KCNK13: variants seen among roughly 807,000 people sequenced by gnomAD.
KCNK13 encodes potassium channel subfamily K member 13.
In KCNK13, 12 loss-of-function variants were observed where a neutral mutation model predicts 23.4. The ratio of observed to expected loss-of-function variants is 0.51; its 90% CI spans 0.33 to 0.83. KCNK13 has a LOEUF of 0.83. Ranked by LOEUF, KCNK13 falls within the 40% of genes least tolerant of loss-of-function variation. The pLI is 0.02. For synonymous variants in KCNK13, 231 were observed against 229.5 expected, an observed-to-expected ratio of 1.01 and a Z score of -0.06; for missense variants, 463 against 556.3, an observed-to-expected ratio of 0.83 and a Z score of 1.69.
intron 1 of KCNK13, among the ~76,000 whole-genome samples, chr14:90,108,529 C>T (rs1471422551): frequency 2.6e-5 from 4 of 152,182 alleles, no homozygotes; most frequent in Non-Finnish European, 4.4e-5. Flanking sequence ...TCCCATCCCA[C>T]CTTGAGAATC....
intron 1 of KCNK13, among the ~76,000 whole-genome samples, chr14:90,174,928 C>T (rs1382309103): frequency 1.3e-5 from 2 of 151,858 alleles, no homozygotes; most frequent in African/African-American, 2.4e-5. Context: ...AGAATGTTAG[C>T]TCTGGCTAAT....
intron 1 of KCNK13, among the ~76,000 whole-genome samples, chr14:90,085,223 G>A (rs1191091479): frequency 2.0e-5 from 3 of 152,002 alleles, no homozygotes; most frequent in African/African-American, 7.2e-5. Flanking sequence ...AGGATTACAG[G>A]TGTGAGCCAC....
chr14:90,074,940 A>C (rs60936657), intron 1 of KCNK13, among the ~76,000 whole-genome samples: 37,379 of 152,154 alleles, frequency 0.25, 4,760 homozygotes, highest in African/African-American at 0.33. Flanking sequence ...TTTCTGCATC[A>C]TATTAGCAGA....
In KCNK13 at chr14:90,061,997, G is replaced by A. The variant is rs899815904; in HGVS notation, c.-209G>A. The A allele has an allele frequency of 5.4e-5, 21 of 391,066 alleles. No homozygotes were observed. The highest frequency in any genetic ancestry group is 4.1e-4 in the Admixed American group (9 of 21,946). The allele number at this position is 391,066 out of a possible 1,614,324, so 24.2% of individuals were successfully genotyped here. ...GGATTTGAAACTAGGAGTCAAGGAG[G>A]ACGTGGGGAGCTGGCGCCACAGGAG... On this transcript the variant is annotated 5_prime_UTR_variant, in exon 1 of 2. Coordinates refer to ENST00000282146, the MANE Select transcript of KCNK13 (RefSeq NM_022054.4).
chr14:90,088,788 G>C (rs1889310777), intron 1 of KCNK13, among the ~76,000 whole-genome samples: 1 of 152,164 alleles, frequency 6.6e-6, no homozygotes, highest in South Asian at 2.1e-4. Flanking sequence ...CCTGATGGGA[G>C]GTTATTGAAT....
At chr14:90,086,296 A>G (rs573250397) in intron 1 of KCNK13, among the ~76,000 whole-genome samples, 1 of 152,192 alleles carries the variant, frequency 6.6e-6, no homozygotes, top group Admixed American at 6.5e-5. Context: ...CTACATAGAT[A>G]AACTTTCATC....
At chr14:90,100,999 G>A (rs369706391) in intron 1 of KCNK13, among the ~76,000 whole-genome samples, 2 of 152,110 alleles carry the variant, frequency 1.3e-5, no homozygotes, top group East Asian at 1.9e-4. Context: ...TGGCCAGCAC[G>A]AGATATTTGA....
chr14:90,162,690 A>C (rs1431638349), intron 1 of KCNK13, among the ~76,000 whole-genome samples: 3 of 152,240 alleles, frequency 2.0e-5, no homozygotes, highest in Admixed American at 2.0e-4. Context: ...GCCATAAGTG[A>C]ATACTGGAAT....
intron 1 of KCNK13, among the ~76,000 whole-genome samples, chr14:90,101,808 A>AAAAAAAAAC: frequency 6.8e-6 from 1 of 146,162 alleles, no homozygotes; most frequent in Non-Finnish European, 1.5e-5. Flanking sequence ...AAAAAAAAAA[A>AAAAAAAAAC]AAAACCTCAC....
chr14:90,120,059 C>A (rs911019708), intron 1 of KCNK13, among the ~76,000 whole-genome samples: 1 of 152,132 alleles, frequency 6.6e-6, no homozygotes, highest in African/African-American at 2.4e-5. Flanking sequence ...GCTCCTCTCC[C>A]TCCTCCCACT....
At chr14:90,096,025 G>A (rs1889405945) in intron 1 of KCNK13, among the ~76,000 whole-genome samples, 1 of 152,182 alleles carries the variant, frequency 6.6e-6, no homozygotes, top group Admixed American at 6.5e-5. Flanking sequence ...ATGAAGAGAT[G>A]CATAGGATAA....
intron 1 of KCNK13, among the ~76,000 whole-genome samples, chr14:90,147,363 C>A (rs76866143): frequency 5.4e-4 from 82 of 152,274 alleles, no homozygotes; most frequent in African/African-American, 1.9e-3. Flanking sequence ...AGCGATCCCC[C>A]CTCAGCCTCC....
chr14:90,168,184 G>A (rs997130093), intron 1 of KCNK13, among the ~76,000 whole-genome samples: 1 of 152,096 alleles, frequency 6.6e-6, no homozygotes, highest in Non-Finnish European at 1.5e-5. Context: ...AGCCAGCCTG[G>A]ACAACATGGC....
chr14:90,148,023 C>T (rs911582490), intron 1 of KCNK13, among the ~76,000 whole-genome samples: 9 of 151,972 alleles, frequency 5.9e-5, no homozygotes, highest in African/African-American at 2.2e-4. Flanking sequence ...ATTAGCCGAG[C>T]GTGGTGGTGC....
intron 1 of KCNK13, among the ~76,000 whole-genome samples, chr14:90,092,864 A>T (rs1361914206): frequency 7.1e-6 from 1 of 141,470 alleles, no homozygotes; most frequent in Non-Finnish European, 1.5e-5. Context: ...GTGAGCCATG[A>T]CCATGCCACT....
At chr14:90,131,424 G>T (rs1889869607) in intron 1 of KCNK13, among the ~76,000 whole-genome samples, 1 of 152,202 alleles carries the variant, frequency 6.6e-6, no homozygotes, top group African/African-American at 2.4e-5. Flanking sequence ...TAGAGACGGG[G>T]TTTCACCATG....
chr14:90,152,184 T>A (rs942525281), intron 1 of KCNK13, among the ~76,000 whole-genome samples: 9 of 152,192 alleles, frequency 5.9e-5, no homozygotes, highest in Non-Finnish European at 1.3e-4. Context: ...TCACGAGATC[T>A]GATGGTTTTA....
chr14:90,143,146 A>ACTTTCTTT (rs577709163), intron 1 of KCNK13, among the ~76,000 whole-genome samples: 12 of 115,752 alleles, frequency 1.0e-4, no homozygotes, highest in African/African-American at 2.8e-4. Flanking sequence ...AAGAGCAGAA[A>ACTTTCTTT]CTTTCTTTCT....
intron 1 of KCNK13, among the ~76,000 whole-genome samples, chr14:90,107,218 G>A (rs918604558): frequency 2.0e-5 from 3 of 151,516 alleles, no homozygotes; most frequent in Non-Finnish European, 2.9e-5. Context: ...GGTGGCTCAT[G>A]CCTGTAATCC....
Sources: allele counts gnomAD v4.1 joint callset (sites outside exome capture counted in the v4.1 genomes callset), GRCh38; gene constraint gnomAD v4.1.1; transcripts MANE v1.5; gene names NCBI Gene and HGNC (gene_info 2026-07-23, HGNC 2026-07-21).